The following SPAG16 variants were observed in gnomAD, a reference collection of about 807,000 sequenced individuals.
SPAG16 encodes sperm associated antigen 16.
SPAG16 carries 86 observed loss-of-function variants against 80.4 expected under a neutral mutation model. The ratio of observed to expected loss-of-function variants is 1.07; its 90% CI spans 0.90 to 1.28. The LOEUF is 1.28. Ranked by LOEUF, SPAG16 falls within the 50% of genes most tolerant of loss-of-function variation. SPAG16 has a pLI of 0.00. For missense variants in SPAG16, 870 were observed against 765.3 expected, an observed-to-expected ratio of 1.14 and a Z score of -1.61; for synonymous variants, 294 against 265.9, an observed-to-expected ratio of 1.11 and a Z score of -1.03.
At position 213,433,987 on chromosome 2, in the gene SPAG16, T is replaced by A. The variant is rs1383774626; in HGVS notation, c.943-55976T>A. Among the ~76,000 whole-genome samples the A allele has an allele frequency of 2.6e-5, 4 of 150,950 alleles. No individual in the cohort carries two copies. In the East Asian group the frequency reaches 7.8e-4, roughly 29 times the overall value. On this transcript the variant is annotated intron_variant, in intron 9 of 15. Transcript: ENST00000331683. ...CCCGGCTAGAGTGCAATGGCCCTATTTTGGCTCACTGCAACCTCTGCTTCC... is the reference window on the plus strand; with the variant it reads ...CCCGGCTAGAGTGCAATGGCCCTATATTGGCTCACTGCAACCTCTGCTTCC...
At chr2:214,308,279 G>GTC (rs1695055219) in intron 15 of SPAG16, among the ~76,000 whole-genome samples, 1 of 152,072 alleles carries the variant, frequency 6.6e-6, no homozygotes, top group Admixed American at 6.6e-5. Flanking sequence ...GCCTATTTGG[G>GTC]TCACTGCATG....
At chr2:213,482,327 C>G (rs889721004) in intron 9 of SPAG16, among the ~76,000 whole-genome samples, 1 of 152,198 alleles carries the variant, frequency 6.6e-6, no homozygotes, top group Non-Finnish European at 1.5e-5. Context: ...ATGGCCACAC[C>G]TAGGTACAAG....
intron 10 of SPAG16, among the ~76,000 whole-genome samples, chr2:213,501,667 T>C (rs960933651): frequency 6.6e-6 from 1 of 152,180 alleles, no homozygotes; most frequent in Non-Finnish European, 1.5e-5. Flanking sequence ...TTGTGCAAAA[T>C]GTTGTAGTAC....
At chr2:214,217,408 A>G (rs914730029) in intron 15 of SPAG16, among the ~76,000 whole-genome samples, 4 of 152,380 alleles carry the variant, frequency 2.6e-5, no homozygotes, top group East Asian at 1.9e-4. Context: ...AGGGCTGTGC[A>G]TGTTTGAAAG....
At chr2:213,444,288 T>A (rs2071165656) in intron 9 of SPAG16, among the ~76,000 whole-genome samples, 1 of 152,130 alleles carries the variant, frequency 6.6e-6, no homozygotes, top group African/African-American at 2.4e-5. Flanking sequence ...GGTCCTGGGG[T>A]GGAGTTTGTG....
chr2:213,415,161 G>A (rs1009284579), intron 9 of SPAG16, among the ~76,000 whole-genome samples: 2 of 152,238 alleles, frequency 1.3e-5, no homozygotes, highest in Admixed American at 6.5e-5. Flanking sequence ...AGCTTGATGG[G>A]TAGGCAGGAG....
chr2:214,214,353 A>G (rs1455865077), intron 15 of SPAG16, among the ~76,000 whole-genome samples: 2 of 152,098 alleles, frequency 1.3e-5, no homozygotes, highest in Non-Finnish European at 2.9e-5. Flanking sequence ...TATTTTTAAC[A>G]GAGACAGGAT....
intron 9 of SPAG16, among the ~76,000 whole-genome samples, chr2:213,394,337 G>A (rs1292706118): frequency 2.0e-5 from 3 of 151,926 alleles, no homozygotes; most frequent in Non-Finnish European, 4.4e-5. Flanking sequence ...AAATTTTACT[G>A]TGTTGTACTG....
At chr2:213,982,965 C>A (rs909959439) in intron 12 of SPAG16, among the ~76,000 whole-genome samples, 1 of 151,864 alleles carries the variant, frequency 6.6e-6, no homozygotes, top group Non-Finnish European at 1.5e-5. Flanking sequence ...GAAATTAATT[C>A]TAATCATCCA....
chr2:213,643,726 A>ATT (rs2062711908), intron 10 of SPAG16, among the ~76,000 whole-genome samples: 1 of 114,086 alleles, frequency 8.8e-6, no homozygotes, highest in South Asian at 3.2e-4. Context: ...GTGTCTTACG[A>ATT]TTGTGTGTTT....
rs186768958 is a variant in SPAG16, at chr2:213,492,329, A to G, written c.1070+2239A>G. Among the ~76,000 whole-genome samples the G allele has an allele frequency of 3.8e-3, 578 of 152,194 alleles. 3 individuals are homozygous for G. Among genetic ancestry groups the G allele is most frequent in the Non-Finnish European group, 6.3e-3 (426 of 67,986 alleles). On this transcript the variant is annotated intron_variant, in intron 10 of 15. Coordinates refer to ENST00000331683, the MANE Select transcript of SPAG16 (RefSeq NM_024532.5). ...AGCACTTTGGGAGGCTGAGGTGGGC[A>G]GATCACTAGGTCAGATTGAGACCAT...
At chr2:213,909,458 G>T (rs542739082) in intron 11 of SPAG16, among the ~76,000 whole-genome samples, 1 of 152,134 alleles carries the variant, frequency 6.6e-6, no homozygotes, top group South Asian at 2.1e-4. Flanking sequence ...GAGGCATCAC[G>T]CTACCTGACT....
intron 10 of SPAG16, among the ~76,000 whole-genome samples, chr2:213,499,882 C>T (rs1022828400): frequency 2.6e-5 from 4 of 152,186 alleles, no homozygotes; most frequent in South Asian, 2.1e-4. Flanking sequence ...AATTCTCATA[C>T]GGACTTTCTT....
At chr2:213,954,643 C>G (rs2044024910) in intron 12 of SPAG16, among the ~76,000 whole-genome samples, 1 of 152,052 alleles carries the variant, frequency 6.6e-6, no homozygotes, top group Admixed American at 6.6e-5. Flanking sequence ...TTAGGTTGGA[C>G]ATATGTTTTC....
At chr2:213,913,498 CTG>C (rs143573914) in intron 11 of SPAG16, among the ~76,000 whole-genome samples, 2,747 of 136,438 alleles carry the variant, frequency 0.02, 106 homozygotes, top group African/African-American at 0.065. Context: ...GTCTGTGTGT[CTG>C]TGTGTGTGTG....
At chr2:213,807,202 A>G (rs1433950205) in intron 10 of SPAG16, among the ~76,000 whole-genome samples, 1 of 152,122 alleles carries the variant, frequency 6.6e-6, no homozygotes, top group African/African-American at 2.4e-5. Flanking sequence ...TTAAAACAGG[A>G]TCTTTCCTTG....
chr2:213,516,405 T>TA (rs540010675), intron 10 of SPAG16, among the ~76,000 whole-genome samples: 1 of 51,120 alleles, frequency 2.0e-5, no homozygotes, highest in Non-Finnish European at 4.0e-5. Context: ...ATCTTTTTCT[T>TA]AAAAAAATGA....
chr2:214,406,759 G>T (rs1291230229), intron 15 of SPAG16, among the ~76,000 whole-genome samples: 1 of 152,022 alleles, frequency 6.6e-6, no homozygotes, highest in Non-Finnish European at 1.5e-5. Context: ...AAAGGAGTTG[G>T]CAAATTCATC....
chr2:213,934,703 A>G (rs1269248415), intron 12 of SPAG16, among the ~76,000 whole-genome samples: 1 of 152,204 alleles, frequency 6.6e-6, no homozygotes, highest in Non-Finnish European at 1.5e-5. Context: ...TCTATACAAT[A>G]GAATATTAGT....
Sources: allele counts gnomAD v4.1 joint callset (sites outside exome capture counted in the v4.1 genomes callset), GRCh38; gene constraint gnomAD v4.1.1; transcripts MANE v1.5; gene names NCBI Gene and HGNC (gene_info 2026-07-23, HGNC 2026-07-21).